The following IGF2BP3 variants were observed in gnomAD, a reference collection of about 807,000 sequenced individuals.
IGF2BP3 encodes the protein insulin-like growth factor 2 mRNA-binding protein 3.
Under a neutral mutation model 73.8 loss-of-function variants are expected in IGF2BP3, and 9 were observed. The ratio of observed to expected loss-of-function variants is 0.12; its 90% CI spans 0.07 to 0.21. The LOEUF (loss-of-function observed/expected upper bound fraction) is 0.21. Ranked by LOEUF, IGF2BP3 falls within the 10% of genes least tolerant of loss-of-function variation. The pLI is 1.00. For synonymous variants in IGF2BP3, 258 were observed against 256.7 expected (o/e 1.01, Z -0.05); for missense variants, 542 against 714.0 (o/e 0.76, Z 2.75).
At chr7:23,324,370 G>A (rs920804084) in intron 10 of IGF2BP3, among the ~76,000 whole-genome samples, 28 of 151,784 alleles carry the variant, frequency 1.8e-4, no homozygotes, top group African/African-American at 6.1e-4. Context: ...GACTAAGCCA[G>A]GAAGAAGTTG....
chr7:23,347,238 C>T (rs1784850762), intron 7 of IGF2BP3, among the ~76,000 whole-genome samples: 1 of 152,118 alleles, frequency 6.6e-6, no homozygotes, highest in Non-Finnish European at 1.5e-5. Context: ...CAAGGTGGGG[C>T]CAGGCAGTGG....
At chr7:23,432,664 G>C (rs540330550) in intron 2 of IGF2BP3, among the ~76,000 whole-genome samples, 2 of 150,114 alleles carry the variant, frequency 1.3e-5, no homozygotes, top group African/African-American at 4.9e-5. Context: ...GGTGGAGAGA[G>C]GGTCTTGCTC....
intron 3 of IGF2BP3, among the ~76,000 whole-genome samples, chr7:23,399,647 G>T (rs1376292161): frequency 1.3e-5 from 2 of 152,080 alleles, no homozygotes; most frequent in East Asian, 1.9e-4. Context: ...CAGCAGCATA[G>T]GAAACTAATA....
intron 2 of IGF2BP3, among the ~76,000 whole-genome samples, chr7:23,449,954 C>T (rs1304922634): frequency 6.6e-6 from 1 of 152,038 alleles, no homozygotes; most frequent in African/African-American, 2.4e-5. Context: ...TCAGGAGGTC[C>T]AAGAAGTTAA....
At chr7:23,458,740 A>G (rs555989735) in intron 2 of IGF2BP3, among the ~76,000 whole-genome samples, 4 of 152,360 alleles carry the variant, frequency 2.6e-5, no homozygotes. Context: ...TTTATTCTAC[A>G]ATAAGCCCTG....
At chr7:23,312,590 G>A in intron 14 of IGF2BP3, 130 bp from the exon 15 acceptor site, 1 of 894,360 alleles carries the variant, frequency 1.1e-6, no homozygotes, top group Non-Finnish European at 1.8e-6. Flanking sequence ...CAGTTTGCTA[G>A]TAGTCTCTGA....
At chr7:23,321,814 C>A (rs1003139635) in intron 10 of IGF2BP3, among the ~76,000 whole-genome samples, 1 of 152,208 alleles carries the variant, frequency 6.6e-6, no homozygotes, top group East Asian at 1.9e-4. Context: ...CAGGGGCACA[C>A]TGACACCTCA....
At chr7:23,343,506 A>G (rs1393016065) in intron 9 of IGF2BP3, among the ~76,000 whole-genome samples, 1 of 152,226 alleles carries the variant, frequency 6.6e-6, no homozygotes, top group East Asian at 1.9e-4. Flanking sequence ...AGGCTCAAAG[A>G]CTGAATAATT....
In IGF2BP3 at chr7:23,364,142, G is replaced by A. The variant is rs141987449; in HGVS notation, c.286-2401C>T. ...TGTAATCCCAGCACTTTGGGAGGCC[G>A]AGGCAGGTGGATCACGAGGTGAGGA... On this transcript the variant is annotated intron_variant, in intron 3 of 14. Transcript: ENST00000258729. Among the ~76,000 whole-genome samples the A allele has an allele frequency of 4.8e-3, 730 of 152,240 alleles. 5 individuals are homozygous for A. The highest frequency in any genetic ancestry group is 0.016 in the African/African-American group (675 of 41,550).
chr7:23,311,461 C>G lies in IGF2BP3; in HGVS notation c.*901G>C, dbSNP rs3087888. ...ATTTAAACCAGCCGTTCCAAAATCT[C>G]CTGCGACCACTTTGTTAGTACCGTC... On this transcript the variant is annotated 3_prime_UTR_variant, in exon 15 of 15. Transcript: ENST00000258729. The G allele has an allele frequency of 0.046, 7,043 of 152,640 alleles. 210 individuals carry two copies. The highest frequency in any genetic ancestry group is 0.069 in the Non-Finnish European group (4,666 of 68,016). The allele number at this position is 152,640 out of a possible 1,614,324, so 9.5% of individuals were successfully genotyped here.
In IGF2BP3 at chr7:23,401,759, G is replaced by A. The variant is rs181492230; in HGVS notation, c.285+17017C>T. On this transcript the variant is annotated intron_variant, in intron 3 of 14. Coordinates refer to ENST00000258729, the MANE Select transcript of IGF2BP3 (RefSeq NM_006547.3). Reference sequence around the variant, plus strand: ...CAGCCTGGGTTACAGAACGAGACTCGTCTCCAAAAAAAAAGTCACTGCTGC... The same window carrying A: ...CAGCCTGGGTTACAGAACGAGACTCATCTCCAAAAAAAAAGTCACTGCTGC... Among the ~76,000 whole-genome samples the A allele has an allele frequency of 2.9e-4, 39 of 136,654 alleles. No homozygotes were observed. In the East Asian group the frequency reaches 4.1e-3, roughly 15 times the overall value. 89.7% of individuals were successfully genotyped at this position (136,654 alleles called of 152,430 possible).
intron 10 of IGF2BP3, among the ~76,000 whole-genome samples, chr7:23,322,369 G>GA (rs1490738907): frequency 6.6e-6 from 1 of 152,084 alleles, no homozygotes; most frequent in Non-Finnish European, 1.5e-5. Context: ...GAAGTTTAGA[G>GA]AAAAAAGAAT....
At chr7:23,334,269 A>G (rs939661366) in intron 10 of IGF2BP3, among the ~76,000 whole-genome samples, 2 of 152,204 alleles carry the variant, frequency 1.3e-5, no homozygotes, top group African/African-American at 2.4e-5. Flanking sequence ...TGGAGGTTAC[A>G]GTGAGCCAAG....
In IGF2BP3 at chr7:23,336,876, A is replaced by T. The variant is rs183608787; in HGVS notation, c.1203+5188T>A. ...GGTATGAGAATCACTTGAACCCAGGATGCGGAGTTTGCAGTGAACCGAGAT... is the reference window on the plus strand; with the variant it reads ...GGTATGAGAATCACTTGAACCCAGGTTGCGGAGTTTGCAGTGAACCGAGAT... On this transcript the variant is annotated intron_variant, in intron 10 of 14. Coordinates refer to ENST00000258729, the MANE Select transcript of IGF2BP3 (RefSeq NM_006547.3). 3.0e-4 allele frequency among the ~76,000 whole-genome samples: 46 copies of T among 152,230 alleles called. 1 individual carries two copies. The highest frequency in any genetic ancestry group is 1.0e-3 in the African/African-American group (43 of 41,536).
At chr7:23,399,648 G>A (rs1230026507) in intron 3 of IGF2BP3, among the ~76,000 whole-genome samples, 1 of 151,978 alleles carries the variant, frequency 6.6e-6, no homozygotes, top group Non-Finnish European at 1.5e-5. Context: ...AGCAGCATAG[G>A]AAACTAATAT....
At chr7:23,435,493 G>A (rs1299519867) in intron 2 of IGF2BP3, among the ~76,000 whole-genome samples, 5 of 149,572 alleles carry the variant, frequency 3.3e-5, no homozygotes, top group African/African-American at 4.9e-5. Flanking sequence ...TCGCTCTGTC[G>A]CCCAGGCTGG....
At chr7:23,376,975 A>G (rs1285383446) in intron 3 of IGF2BP3, among the ~76,000 whole-genome samples, 1 of 152,260 alleles carries the variant, frequency 6.6e-6, no homozygotes, top group Non-Finnish European at 1.5e-5. Context: ...AAATTCATCC[A>G]CAGATATGTT....
chr7:23,396,046 T>C (rs1036982203), intron 3 of IGF2BP3, among the ~76,000 whole-genome samples: 4 of 151,806 alleles, frequency 2.6e-5, no homozygotes, highest in African/African-American at 7.2e-5. Flanking sequence ...AGTGAGTTTT[T>C]TTTTTTTTTT....
chr7:23,421,691 A>C (rs1179973504), intron 2 of IGF2BP3, among the ~76,000 whole-genome samples: 1 of 129,850 alleles, frequency 7.7e-6, no homozygotes, highest in African/African-American at 3.0e-5. Context: ...ACTCCATCTC[A>C]AAAAAAAAAA....
Sources: allele counts gnomAD v4.1 joint callset (sites outside exome capture counted in the v4.1 genomes callset), GRCh38; gene constraint gnomAD v4.1.1; transcripts MANE v1.5; gene names NCBI Gene and HGNC (gene_info 2026-07-23, HGNC 2026-07-21).